RAB4A: variants seen among roughly 807,000 people sequenced by gnomAD.
RAB4A encodes ras-related protein Rab-4A.
A neutral mutation model predicts 34.5 loss-of-function variants in RAB4A; 20 were observed. The ratio of observed to expected loss-of-function variants is 0.58; its 90% CI spans 0.41 to 0.84. The LOEUF is 0.84. RAB4A is among the 40% of genes least tolerant of loss of function. The pLI is 0.00. For synonymous variants in RAB4A, 102 were observed against 100.0 expected, an observed-to-expected ratio of 1.02 and a Z score of -0.12; for missense variants, 228 against 274.5, an observed-to-expected ratio of 0.83 and a Z score of 1.20.
chr1:229,305,835 G>A lies in RAB4A; in HGVS notation c.*2042G>A, dbSNP rs1657535133. The A allele has an allele frequency of 6.6e-6, 1 of 152,138 alleles. No homozygotes were observed. The allele number at this position is 152,138 out of a possible 1,614,324, so 9.4% of individuals were successfully genotyped here. ...AAGAGTGGCTGAATTCAAGAACATT[G>A]ATTCTTAGCAGATCAATAATAGTAT... is the stretch of plus-strand genomic sequence containing the variant. On this transcript the variant is annotated 3_prime_UTR_variant, in exon 8 of 8. Transcript: ENST00000366690.
At chr1:229,289,972 A>C (rs1412254235) in intron 3 of RAB4A, among the ~76,000 whole-genome samples, 1 of 152,190 alleles carries the variant, frequency 6.6e-6, no homozygotes, top group Non-Finnish European at 1.5e-5. Flanking sequence ...ATGTCTGTTA[A>C]GTAACTGAAA....
At chr1:229,281,847 T>TATATATATATA in intron 1 of RAB4A, among the ~76,000 whole-genome samples, 1 of 137,646 alleles carries the variant, frequency 7.3e-6, no homozygotes, top group African/African-American at 2.6e-5. Flanking sequence ...TATATATATA[T>TATATATATATA]CATAGTTTAC....
intron 3 of RAB4A, among the ~76,000 whole-genome samples, chr1:229,289,709 T>C (rs760718756): frequency 6.6e-6 from 1 of 152,020 alleles, no homozygotes; most frequent in African/African-American, 2.4e-5. Context: ...CCAGCTACTC[T>C]GGAGGCTGAG....
chr1:229,297,782 T>C, intron 5 of RAB4A, 146 bp downstream of exon 5: 3 of 942,104 alleles, frequency 3.2e-6, no homozygotes, highest in Non-Finnish European at 4.5e-6. Context: ...TTCTATAAAT[T>C]AGACCTATTA....
intron 1 of RAB4A, among the ~76,000 whole-genome samples, chr1:229,271,770 C>T (rs994014230): frequency 6.6e-6 from 1 of 152,198 alleles, no homozygotes; most frequent in Non-Finnish European, 1.5e-5. Context: ...CTTAGGGCGA[C>T]GCCTGTGTTC....
At chr1:229,289,676 C>T (rs1048830105) in intron 3 of RAB4A, among the ~76,000 whole-genome samples, 1 of 152,030 alleles carries the variant, frequency 6.6e-6, no homozygotes, top group Non-Finnish European at 1.5e-5. Flanking sequence ...ATTAGCCGGG[C>T]GTGGTGGCAG....
chr1:229,271,248 C>T lies in RAB4A; in HGVS notation c.-92C>T, dbSNP rs1048074329. On this transcript the variant is annotated 5_prime_UTR_variant, in exon 1 of 8. Transcript: ENST00000366690. Reference sequence around the variant, plus strand: ...CGGTCGGGCCCCTCCCTCCTCCGGTCCCCCGCCCCAGGTCCTTCCCCACCG... The same window carrying T: ...CGGTCGGGCCCCTCCCTCCTCCGGTTCCCCGCCCCAGGTCCTTCCCCACCG... 17 of 1,217,128 alleles carry T rather than the reference C, an allele frequency of 1.4e-5. No homozygotes were observed. The highest frequency in any genetic ancestry group is 3.4e-5 in the East Asian group (1 of 29,698). 75.4% of individuals were successfully genotyped at this position (1,217,128 alleles called of 1,614,324 possible).
chr1:229,286,692 G>T (rs1656931958), intron 2 of RAB4A, 126 bp downstream of exon 2: 2 of 591,148 alleles, frequency 3.4e-6, no homozygotes, highest in African/African-American at 1.9e-5. Context: ...ATTTTGAAGG[G>T]TTATGTTATT....
intron 2 of RAB4A, among the ~76,000 whole-genome samples, chr1:229,287,325 C>T (rs1233343412): frequency 6.6e-6 from 1 of 152,078 alleles, no homozygotes; most frequent in Non-Finnish European, 1.5e-5. Flanking sequence ...ATAATAAAAT[C>T]CTAGAAATTT....
intron 3 of RAB4A, among the ~76,000 whole-genome samples, chr1:229,290,683 A>C (rs1042007657): frequency 1.3e-5 from 2 of 152,206 alleles, no homozygotes; most frequent in African/African-American, 4.8e-5. Flanking sequence ...AAACACACTA[A>C]AACCACAGTA....
chr1:229,284,869 C>G (rs963989337), intron 1 of RAB4A, among the ~76,000 whole-genome samples: 17 of 152,054 alleles, frequency 1.1e-4, no homozygotes, highest in African/African-American at 4.1e-4. Context: ...TAGATCGTTT[C>G]CTTCAATCCT....
chr1:229,304,048 A>G lies in RAB4A; in HGVS notation c.*255A>G, dbSNP rs1217814352. ...ATATTTTTCCTTTCACTTTCGGTTT[A>G]AAACATGCTATATGTACTGTATGTC... On this transcript the variant is annotated 3_prime_UTR_variant, in exon 8 of 8. Transcript: ENST00000366690. The G allele has an allele frequency of 3.9e-5, 6 of 152,354 alleles. No individual in the cohort carries two copies. The East Asian group carries it at 1.2e-3, about 29-fold the overall frequency. 9.4% of individuals were successfully genotyped at this position (152,354 alleles called of 1,614,324 possible). A position where few individuals can be genotyped will look rare whatever the true frequency, so the allele number is the denominator to read the frequency against.
At chr1:229,296,036 C>A in intron 4 of RAB4A, 126 bp downstream of exon 4, 1 of 888,526 alleles carries the variant, frequency 1.1e-6, no homozygotes, top group South Asian at 1.6e-5. Context: ...TGGCTGGCAT[C>A]CAGGAAGCCC....
At chr1:229,274,084 G>A (rs1487874749) in intron 1 of RAB4A, among the ~76,000 whole-genome samples, 45 of 114,398 alleles carry the variant, frequency 3.9e-4, no homozygotes, top group Middle Eastern at 0.015. Context: ...ACAGGACCTC[G>A]CTCTGTCACC....
At chr1:229,296,239 T>C (rs1657248168) in intron 4 of RAB4A, among the ~76,000 whole-genome samples, 1 of 152,118 alleles carries the variant, frequency 6.6e-6, no homozygotes, top group Non-Finnish European at 1.5e-5. Flanking sequence ...TTATTAGAAG[T>C]GAGTTGAGAG....
At chr1:229,276,862 C>G (rs1252482871) in intron 1 of RAB4A, among the ~76,000 whole-genome samples, 5 of 150,828 alleles carry the variant, frequency 3.3e-5, no homozygotes, top group African/African-American at 5.0e-5. Flanking sequence ...CAGCTTGCCA[C>G]ACAGCATCTG....
chr1:229,272,092 G>C (rs451401), intron 1 of RAB4A, among the ~76,000 whole-genome samples: 97,752 of 151,726 alleles, frequency 0.64, 31,659 homozygotes, highest in African/African-American at 0.67. Flanking sequence ...ATAAGCGAAA[G>C]CTTTCCCAGT....
At chr1:229,274,049 C>CTTTTT (rs11339660) in intron 1 of RAB4A, among the ~76,000 whole-genome samples, 15 of 86,860 alleles carry the variant, frequency 1.7e-4, no homozygotes, top group East Asian at 7.0e-4. Context: ...TTTTGTTTCC[C>CTTTTT]TTTTTTTTTT....
Position 229,280,154 on chromosome 1 carries a change from C to T in RAB4A, c.32-6332C>T, listed in dbSNP as rs139810787. ...CACAGATTAAAAATACAAAATAAAC[C>T]CATAAAACTAGTACAGATTCTGCCA... On this transcript the variant is annotated intron_variant, in intron 1 of 7. Transcript: ENST00000366690. 8.5e-4 allele frequency among the ~76,000 whole-genome samples: 129 copies of T among 152,154 alleles called. 3 individuals are homozygous for T. The East Asian group carries it at 0.022, about 26-fold the overall frequency.
Sources: allele counts gnomAD v4.1 joint callset (sites outside exome capture counted in the v4.1 genomes callset), GRCh38; gene constraint gnomAD v4.1.1; transcripts MANE v1.5; gene names NCBI Gene and HGNC (gene_info 2026-07-23, HGNC 2026-07-21).